The following MICAL3 variants were observed in gnomAD, a reference collection of about 807,000 sequenced individuals.
MICAL3 encodes the protein microtubule associated monooxygenase, calponin and LIM domain containing 3, also known as [F-actin]-monooxygenase MICAL3.
In MICAL3, 62 loss-of-function variants were observed where a neutral mutation model predicts 207.4. The observed-to-expected ratio is 0.30, with a 90% CI of 0.24 to 0.37. The LOEUF (loss-of-function observed/expected upper bound fraction) is 0.37, where lower values mean the gene tolerates loss of function less well. MICAL3 is among the 10% of genes least tolerant of loss of function. The pLI is 1.00. For synonymous variants in MICAL3, 1,077 were observed against 1,069.3 expected, an observed-to-expected ratio of 1.01 and a Z score of -0.14; for missense variants, 2,368 against 2,635.6, an observed-to-expected ratio of 0.90 and a Z score of 2.22.
intron 1 of MICAL3, among the ~76,000 whole-genome samples, chr22:17,988,425 C>A (rs1439227063): frequency 3.7e-5 from 1 of 27,094 alleles, no homozygotes; most frequent in East Asian, 9.9e-4. Context: ...AGCCTGCAGG[C>A]CAAAGAATGG....
rs77924058 is a variant in MICAL3, at chr22:17,906,344, T to C, written c.264+205A>G. Among the ~76,000 whole-genome samples the C allele has an allele frequency of 3.0e-3, 461 of 152,354 alleles. 17 individuals carry two copies. In the East Asian group the frequency reaches 0.078, roughly 26 times the overall value. On this transcript the variant is annotated intron_variant, in intron 2 of 31. Transcript: ENST00000441493. ...TGCTAGGTTGTGGCTAGACTTTGCC[T>C]GGTTCTCACTCAGCCTACCTCTAAC...
chr22:17,998,456 A>G (rs1922552571), intron 1 of MICAL3, among the ~76,000 whole-genome samples: 1 of 152,096 alleles, frequency 6.6e-6, no homozygotes, highest in Non-Finnish European at 1.5e-5. Context: ...GAGACAATTA[A>G]GAATCAATGA....
At chr22:17,986,753 A>G (rs1306283336) in intron 1 of MICAL3, among the ~76,000 whole-genome samples, 1 of 152,170 alleles carries the variant, frequency 6.6e-6, no homozygotes, top group Non-Finnish European at 1.5e-5. Context: ...ACTCATAAGG[A>G]ATTAAGGAAT....
intron 1 of MICAL3, among the ~76,000 whole-genome samples, chr22:17,973,252 G>A (rs1187492967): frequency 6.6e-6 from 1 of 152,224 alleles, no homozygotes; most frequent in African/African-American, 2.4e-5. Flanking sequence ...CCTCACCATG[G>A]GGAAAACAAA....
chr22:18,006,849 A>G, intron 1 of MICAL3, among the ~76,000 whole-genome samples: 1 of 152,260 alleles, frequency 6.6e-6, no homozygotes. Flanking sequence ...CACACACAAA[A>G]AAATTCTGAT....
At chr22:17,877,365 G>A (rs1020731559) in intron 16 of MICAL3, among the ~76,000 whole-genome samples, 1 of 91,914 alleles carries the variant, frequency 1.1e-5, no homozygotes, top group Non-Finnish European at 2.1e-5. Context: ...GGTTATGGAG[G>A]TTAGGGAGGT....
In MICAL3 at chr22:17,818,289, T is replaced by C. The variant is rs1275044380; in HGVS notation, c.4372A>G (p.Ser1458Gly). The C allele has an allele frequency of 1.2e-5, 8 of 649,628 alleles. No homozygotes were observed. Among genetic ancestry groups the C allele is most frequent in the Middle Eastern group, 6.5e-4 (1 of 1,540 alleles). 40.2% of individuals were successfully genotyped at this position (649,628 alleles called of 1,614,324 possible). A position where few individuals can be genotyped will look rare whatever the true frequency, so the allele number is the denominator to read the frequency against. Residue 1458 changes from serine (S) to glycine (G), a missense_variant, in exon 26 of 32, where the codon AGC becomes GGC. Transcript: ENST00000441493. ...SDSAMLTPPS[S>G]PPPPPPPGEE... ...CCCGGGGGTGGCGGTGGGGGCGGGC[T>C]GGAGGGGGGCGTGAGCATGGCGGAG... is the stretch of plus-strand genomic sequence containing the variant.
chr22:17,876,910 GGGAGGTTAT>G (rs1928555169), intron 16 of MICAL3: 8 of 75,278 alleles, frequency 1.1e-4, no homozygotes, highest in East Asian at 3.7e-4. Context: ...AGGGAGGTTA[GGGAGGTTAT>G]GGAGGTTAGG....
At chr22:17,866,265 C>G (rs1445766989) in intron 17 of MICAL3, among the ~76,000 whole-genome samples, 1 of 152,208 alleles carries the variant, frequency 6.6e-6, no homozygotes, top group Non-Finnish European at 1.5e-5. Context: ...GAGCCATCAC[C>G]CAATCAGTGC....
intron 1 of MICAL3, among the ~76,000 whole-genome samples, chr22:18,007,822 C>T (rs1471670021): frequency 7.0e-6 from 1 of 143,556 alleles, no homozygotes; most frequent in Non-Finnish European, 1.5e-5. Flanking sequence ...ACTCGGGAGG[C>T]TGAGGCAGGA....
intron 1 of MICAL3, among the ~76,000 whole-genome samples, chr22:17,930,613 T>C (rs1933197901): frequency 6.6e-6 from 1 of 152,220 alleles, no homozygotes; most frequent in Non-Finnish European, 1.5e-5. Flanking sequence ...ATGTCTATGG[T>C]GCAGAAGTCG....
intron 1 of MICAL3, among the ~76,000 whole-genome samples, chr22:17,932,568 A>G (rs1318414820): frequency 2.6e-5 from 4 of 152,232 alleles, no homozygotes; most frequent in Non-Finnish European, 4.4e-5. Flanking sequence ...AACTGCTTCA[A>G]TTAATGGGCA....
At chr22:17,805,832 G>A (rs559943594) in intron 29 of MICAL3, among the ~76,000 whole-genome samples, 5 of 152,172 alleles carry the variant, frequency 3.3e-5, no homozygotes, top group Admixed American at 1.3e-4. Context: ...AGGTTCAAGC[G>A]ATTCTCCTGC....
Position 17,834,305 on chromosome 22 carries a change from T to C in MICAL3, c.2802-2198A>G, listed in dbSNP as rs1415971688. On this transcript the variant is annotated intron_variant, in intron 20 of 31. Coordinates refer to ENST00000441493, the MANE Select transcript of MICAL3 (RefSeq NM_015241.3). ...GACAAAAGAATATACTGCAAGGAGCTCAGGGTAGTGAATCAGCTTCACTTG... is the reference window on the plus strand; with the variant it reads ...GACAAAAGAATATACTGCAAGGAGCCCAGGGTAGTGAATCAGCTTCACTTG... 4 of 1,159,352 alleles carry C rather than the reference T, an allele frequency of 3.5e-6. No individual in the cohort carries two copies. In the South Asian group the frequency reaches 4.9e-5, roughly 14 times the overall value. The allele number at this position is 1,159,352 out of a possible 1,614,324, so 71.8% of individuals were successfully genotyped here. A position where few individuals can be genotyped will look rare whatever the true frequency, so the allele number is the denominator to read the frequency against.
At position 17,818,267 on chromosome 22, in the gene MICAL3, G is replaced by C. The variant is rs755732777; in HGVS notation, c.4394C>G (p.Pro1465Arg). The C allele has an allele frequency of 5.3e-6, 8 of 1,516,148 alleles. No homozygotes were observed. The highest frequency in any genetic ancestry group is 6.2e-6 in the Non-Finnish European group (7 of 1,136,628). The allele number at this position is 1,516,148 out of a possible 1,614,324, so 93.9% of individuals were successfully genotyped here. A position where few individuals can be genotyped will look rare whatever the true frequency, so the allele number is the denominator to read the frequency against. The change falls in exon 26 of 32, where the codon CCG (proline) becomes CGG (arginine). Residue 1465 changes from proline to arginine, a missense_variant. By Grantham distance (103) the Pro-to-Arg change is moderately radical (BLOSUM62 -2). This residue lies in a region of MICAL3 where 1,770 missense variants were observed against 1,863.2 expected (regional missense o/e 0.95). Coordinates refer to ENST00000441493, the MANE Select transcript of MICAL3 (RefSeq NM_015241.3). ...PPSSPPPPPP[P>R]GEEPATLRRK... ...CCGCAAGGTGGCGGGCTCCTCGCCC[G>C]GGGGTGGCGGTGGGGGCGGGCTGGA...
At chr22:17,791,512 AC>A in intron 29 of MICAL3, 1 of 578,954 alleles carries the variant, frequency 1.7e-6, no homozygotes, top group Non-Finnish European at 3.1e-6. Context: ...ATCCCTGTTC[AC>A]CCCGTCAGCG....
At chr22:17,863,482 C>G in intron 19 of MICAL3, 1 of 985,394 alleles carries the variant, frequency 1.0e-6, no homozygotes, top group Non-Finnish European at 1.2e-6. Context: ...GCTGCAAAGG[C>G]CTGTGGGTAC....
At chr22:17,897,013 G>T (rs1340268311) in intron 7 of MICAL3, 32 bp from the exon 8 acceptor site, 1 of 1,583,416 alleles carries the variant, frequency 6.3e-7, no homozygotes, top group African/African-American at 1.4e-5. Flanking sequence ...GGTAGGGATG[G>T]AGAAGCTCTG....
rs749331747 is a variant in MICAL3 at position 17,889,133 on chromosome 22, C to T, written c.1792G>A (p.Gly598Ser). The T allele has an allele frequency of 6.2e-7, 1 of 1,613,804 alleles. No homozygotes were observed. The highest frequency in any genetic ancestry group is 8.5e-7 in the Non-Finnish European group (1 of 1,179,706). ...KELGISPIMT[G>S]KEMASVGEPD... ...TCCCCCACGGAGGCCATTTCTTTGC[C>T]TGTCATGATGGGAGAAATGCCCAAT... Residue 598 changes from glycine (G) to serine (S), a missense_variant, in exon 13 of 32, where the codon GGC becomes AGC. Coordinates refer to ENST00000441493, the MANE Select transcript of MICAL3 (RefSeq NM_015241.3).
Sources: gnomAD v4.1 joint callset for allele counts (sites outside exome capture counted in the v4.1 genomes callset) on GRCh38, gnomAD v4.1.1 for gene constraint, gnomAD v4.1.1 regional missense constraint, MANE v1.5 for transcripts, NCBI Gene and HGNC (gene_info 2026-07-23, HGNC 2026-07-21) for gene names.